Variants in IMPG2 observed in about 807,000 individuals in gnomAD.
IMPG2 encodes IPM 200.
IMPG2 carries 91 observed loss-of-function variants against 129.2 expected under a neutral mutation model. The observed-to-expected ratio is 0.70, with a 90% CI of 0.59 to 0.84. The LOEUF (loss-of-function observed/expected upper bound fraction) is 0.84, where lower values mean the gene tolerates loss of function less well. IMPG2 is among the 40% of genes least tolerant of loss of function. IMPG2 has a pLI of 0.00. For synonymous variants in IMPG2, 510 were observed against 517.7 expected, an observed-to-expected ratio of 0.99 and a Z score of 0.20; for missense variants, 1,430 against 1,461.7, an observed-to-expected ratio of 0.98 and a Z score of 0.35.
At position 101,225,292 on chromosome 3, in the gene IMPG2, C is replaced by T. The variant is rs903270956; in HGVS notation, c.*1677G>A. ...GTCAATAAAATAGTGGAAAGTGTAC[C>T]TATACTGAACTGTTAGAGGATCCAT... is the stretch of plus-strand genomic sequence containing the variant. On this transcript the variant is annotated 3_prime_UTR_variant, in exon 19 of 19. Transcript: ENST00000193391. 5 of 152,214 alleles carry T rather than the reference C, an allele frequency of 3.3e-5. No individual in the cohort carries two copies. Among genetic ancestry groups the T allele is most frequent in the African/African-American group, 7.2e-5 (3 of 41,456 alleles). 9.4% of individuals were successfully genotyped at this position (152,214 alleles called of 1,614,324 possible).
At chr3:101,250,849 GA>G (rs1706536427) in intron 11 of IMPG2, among the ~76,000 whole-genome samples, 1 of 152,052 alleles carries the variant, frequency 6.6e-6, no homozygotes, top group Non-Finnish European at 1.5e-5. Context: ...TATTTACATA[GA>G]AAAAACTTTC....
chr3:101,296,430 G>C (rs1707080693), intron 3 of IMPG2, among the ~76,000 whole-genome samples: 1 of 152,192 alleles, frequency 6.6e-6, no homozygotes. Context: ...GATCGTGCTA[G>C]ATAAGCTTTT....
chr3:101,232,052 C>T (rs1706293212), intron 15 of IMPG2, among the ~76,000 whole-genome samples: 1 of 152,022 alleles, frequency 6.6e-6, no homozygotes, highest in South Asian at 2.1e-4. Flanking sequence ...GGGCCCAAAA[C>T]CTTTAAAAAT....
intron 3 of IMPG2, among the ~76,000 whole-genome samples, chr3:101,301,067 C>T (rs906465468): frequency 8.5e-5 from 13 of 152,140 alleles, no homozygotes; most frequent in East Asian, 1.9e-4. Context: ...CCTGAGGAGA[C>T]GGCTTGAGGC....
At chr3:101,252,138 C>T (rs1215989570) in intron 11 of IMPG2, among the ~76,000 whole-genome samples, 1 of 152,014 alleles carries the variant, frequency 6.6e-6, no homozygotes, top group South Asian at 2.1e-4. Flanking sequence ...CCACAAGCTC[C>T]AGCCACTTTC....
intron 3 of IMPG2, among the ~76,000 whole-genome samples, chr3:101,302,229 A>G (rs551732047): frequency 6.6e-6 from 1 of 152,252 alleles, no homozygotes; most frequent in African/African-American, 2.4e-5. Context: ...ATATAAATTT[A>G]CTAAAAGTTC....
At chr3:101,255,163 C>T (rs930663581) in intron 10 of IMPG2, among the ~76,000 whole-genome samples, 1 of 152,046 alleles carries the variant, frequency 6.6e-6, no homozygotes, top group African/African-American at 2.4e-5. Flanking sequence ...TGGACTAATA[C>T]AAGGAGGATC....
At chr3:101,229,301 C>CCG in intron 17 of IMPG2, 79 bp downstream of exon 17, 2 of 840,994 alleles carry the variant, frequency 2.4e-6, no homozygotes, top group Non-Finnish European at 2.0e-6. Context: ...CTCATACACA[C>CCG]CCCCACCCAC....
chr3:101,240,740 C>G (rs1176212441), intron 14 of IMPG2, among the ~76,000 whole-genome samples: 1 of 152,164 alleles, frequency 6.6e-6, no homozygotes, highest in East Asian at 1.9e-4. Context: ...TTAGAGAACT[C>G]AAGTGGTAAG....
At chr3:101,236,460 T>C (rs348860) in intron 14 of IMPG2, among the ~76,000 whole-genome samples, 92,833 of 151,984 alleles carry the variant, frequency 0.61, 28,954 homozygotes, top group Admixed American at 0.68. Context: ...GCGAGATCAA[T>C]GCAGAAGGTG....
At position 101,256,217 on chromosome 3, in the gene IMPG2, G is replaced by A. The variant is rs550833038; in HGVS notation, c.1153+1312C>T. ...AGAAAGAAAGAAAGAAAGAAAGAAA[G>A]AAAAAAATATCTTATTTGGGAAATA... On this transcript the variant is annotated intron_variant, in intron 10 of 18. Transcript: ENST00000193391. Among the ~76,000 whole-genome samples, 322 of 138,262 alleles carry A rather than the reference G, an allele frequency of 2.3e-3. 3 individuals carry two copies. Among genetic ancestry groups the A allele is most frequent in the African/African-American group, 7.8e-3 (283 of 36,496 alleles). 90.7% of individuals were successfully genotyped at this position (138,262 alleles called of 152,430 possible). A position where few individuals can be genotyped will look rare whatever the true frequency, so the allele number is the denominator to read the frequency against.
chr3:101,295,344 C>T (rs937721683), intron 3 of IMPG2, among the ~76,000 whole-genome samples: 21 of 152,130 alleles, frequency 1.4e-4, no homozygotes, highest in African/African-American at 4.1e-4. Flanking sequence ...GGAATTCTTT[C>T]CCCAGCTTGT....
rs1706451016 is a variant in IMPG2, at chr3:101,244,450, T to C, written c.1881A>G (p.Pro627=). The change falls in exon 13 of 19, where the codon CCA becomes CCG. Residue 627 remains proline (P), a synonymous_variant. Coordinates refer to ENST00000193391, the MANE Select transcript of IMPG2 (RefSeq NM_016247.4). ...SETSSEKSAE[P]LSKPWLEDDD... ...CATCTTCAAGCCACGGCTTGGACAG[T>C]GGTTCAGCGCTCTTCTCTGATGAAG... The C allele has an allele frequency of 6.2e-7, 1 of 1,614,172 alleles. No homozygotes were observed. Among genetic ancestry groups the C allele is most frequent in the Non-Finnish European group, 8.5e-7 (1 of 1,180,008 alleles).
chr3:101,276,198 G>T (rs1021464290), intron 5 of IMPG2, among the ~76,000 whole-genome samples: 1 of 152,078 alleles, frequency 6.6e-6, no homozygotes, highest in Non-Finnish European at 1.5e-5. Context: ...AGTTTGTGGG[G>T]TTTTTTAATT....
At chr3:101,315,730 G>T (rs2058781224) in intron 2 of IMPG2, among the ~76,000 whole-genome samples, 1 of 151,862 alleles carries the variant, frequency 6.6e-6, no homozygotes, top group African/African-American at 2.4e-5. Flanking sequence ...CTGATCTATA[G>T]AATGAAACAC....
intron 4 of IMPG2, among the ~76,000 whole-genome samples, chr3:101,289,981 G>T (rs1168146904): frequency 6.6e-6 from 1 of 150,908 alleles, no homozygotes; most frequent in African/African-American, 2.4e-5. Context: ...CTGATGAGAG[G>T]AACGTAGAAA....
rs555232237 is a variant in IMPG2, at chr3:101,320,444, A to G, written c.-72T>C. The G allele has an allele frequency of 5.8e-5, 54 of 924,124 alleles. No homozygotes were observed. The highest frequency in any genetic ancestry group is 2.3e-4 in the Admixed American group (13 of 55,350). The allele number at this position is 924,124 out of a possible 1,614,324, so 57.2% of individuals were successfully genotyped here. On this transcript the variant is annotated 5_prime_UTR_variant, in exon 1 of 19. Coordinates refer to ENST00000193391, the MANE Select transcript of IMPG2 (RefSeq NM_016247.4). ...AGTGTCCAAATCCTTGAAACTTCCA[A>G]TAACAAAGAGTTATAGGAAAGACCT...
chr3:101,237,658 A>T (rs922083491), intron 14 of IMPG2, among the ~76,000 whole-genome samples: 2 of 152,142 alleles, frequency 1.3e-5, no homozygotes, highest in East Asian at 3.9e-4. Flanking sequence ...AACAAACAGA[A>T]AGGAATAGCA....
intron 3 of IMPG2, among the ~76,000 whole-genome samples, chr3:101,297,693 A>G (rs1707095099): frequency 6.6e-6 from 1 of 152,212 alleles, no homozygotes; most frequent in East Asian, 1.9e-4. Flanking sequence ...TTCAATTTCC[A>G]TGTAACCATG....
Sources: allele counts gnomAD v4.1 joint callset (sites outside exome capture counted in the v4.1 genomes callset), GRCh38; gene constraint gnomAD v4.1.1; transcripts MANE v1.5; gene names NCBI Gene and HGNC (gene_info 2026-07-23, HGNC 2026-07-21).